The following DNAH10 variants were observed in gnomAD, a reference collection of about 807,000 sequenced individuals.
DNAH10 encodes axonemal beta dynein heavy chain 10.
Under a neutral mutation model 506.6 loss-of-function variants are expected in DNAH10, and 348 were observed. The ratio of observed to expected loss-of-function variants is 0.69; its 90% CI spans 0.63 to 0.75. DNAH10 has a LOEUF of 0.75. DNAH10 is among the 30% of genes least tolerant of loss of function. The pLI, the probability that DNAH10 is intolerant of heterozygous loss-of-function variation, is 0.00. For missense variants in DNAH10, 5,179 were observed against 5,787.1 expected, an observed-to-expected ratio of 0.89 and a Z score of 3.41; for synonymous variants, 2,059 against 2,198.6, an observed-to-expected ratio of 0.94 and a Z score of 1.78.
chr12:123,832,868 A>G (rs1960721292), intron 26 of DNAH10, among the ~76,000 whole-genome samples: 1 of 152,176 alleles, frequency 6.6e-6, no homozygotes, highest in Admixed American at 6.5e-5. Context: ...AATCCCTACC[A>G]ATATACTTTG....
intron 4 of DNAH10, 72 bp from the exon 5 acceptor site, chr12:123,774,077 G>C (rs1174536623): frequency 1.0e-6 from 1 of 962,182 alleles, no homozygotes; most frequent in African/African-American, 1.7e-5. Context: ...GAAGATTCCT[G>C]TTCTCTTGGA....
intron 21 of DNAH10, 86 bp from the exon 22 acceptor site, chr12:123,818,864 C>A: frequency 2.3e-6 from 2 of 887,862 alleles, no homozygotes; most frequent in African/African-American, 1.7e-5. Flanking sequence ...AAGCAGAAGT[C>A]CCTGGGAGGT....
Position 123,848,889 on chromosome 12 carries a change from C to T in DNAH10, c.6102+7C>T, listed in dbSNP as rs376868485. ...TCAGTTAACCACGTTCCAGGTGAGA[C>T]ACATGAAGCCCCCGGGACCATGTCC... On this transcript the variant is annotated splice_region_variant and intron_variant, in intron 34 of 78. Transcript: ENST00000673944. 1.2e-6 allele frequency: 2 copies of T among 1,613,004 alleles called. No individual in the cohort carries two copies. The highest frequency in any genetic ancestry group is 1.3e-5 in the African/African-American group (1 of 74,900).
intron 53 of DNAH10, among the ~76,000 whole-genome samples, chr12:123,894,125 C>T: frequency 7.8e-6 from 1 of 127,418 alleles, no homozygotes; most frequent in Admixed American, 9.7e-5. Context: ...GAATCTCGCT[C>T]TGTCGCCCAG....
intron 26 of DNAH10, among the ~76,000 whole-genome samples, chr12:123,832,513 A>AT (rs879362943): frequency 0.027 from 3,948 of 147,182 alleles, 165 homozygotes; most frequent in African/African-American, 0.092. Flanking sequence ...ATCAATACAG[A>AT]TTTTTTTTTT....
chr12:123,879,570 C>T, intron 49 of DNAH10, 64 bp from the exon 50 acceptor site: 1 of 1,597,766 alleles, frequency 6.3e-7, no homozygotes, highest in African/African-American at 1.3e-5. Context: ...TCCTCTGCTC[C>T]TAGCAAGTTT....
At position 123,762,699 on chromosome 12, in the gene DNAH10, C is replaced by A; in HGVS notation, c.214+149C>A. ...AACGCTGCCGCCCGCCACGTGCAGG[C>A]CCCGGGCGAACCCAGCAATCACAGC... On this transcript the variant is annotated intron_variant, in intron 1 of 78. Coordinates refer to ENST00000673944, the MANE Select transcript of DNAH10 (RefSeq NM_001372106.1). The surrounding 1 kb of genome is among the most constrained non-coding windows in gnomAD (Gnocchi z 5.0). The A allele has an allele frequency of 1.3e-6, 1 of 774,808 alleles. No homozygotes were observed. The highest frequency in any genetic ancestry group is 1.9e-6 in the Non-Finnish European group (1 of 521,372). 48.0% of individuals were successfully genotyped at this position (774,808 alleles called of 1,614,324 possible).
At chr12:123,883,689 C>T (rs567124860) in intron 51 of DNAH10, among the ~76,000 whole-genome samples, 16 of 152,250 alleles carry the variant, frequency 1.1e-4, no homozygotes, top group East Asian at 7.7e-4. Context: ...TACCTAACAG[C>T]GGCTATCTTT....
rs1566124338 is a variant in DNAH10 at position 123,931,442 on chromosome 12, GCT to G, written c.12888_12889del (p.His4297ProfsTer19). 10 of 1,613,912 alleles carry G rather than the reference GCT, an allele frequency of 6.2e-6. No individual in the cohort carries two copies. Among genetic ancestry groups the G allele is most frequent in the South Asian group, 2.2e-5 (2 of 91,064 alleles). The part of the protein sequence containing the change: ...YYTQAARDMW[A>X]HLLELQPQTG... The stretch of plus-strand genomic sequence containing the variant: ...CACGCAGGCGGCTCGAGACATGTGG[GCT>G]CACCTGCTGGAGCTGCAGCCTCAGA... On this transcript the variant is annotated frameshift_variant, in exon 74 of 79. Transcript: ENST00000673944. LOFTEE classifies it high-confidence loss of function.
In DNAH10 at chr12:123,913,170, A is replaced by C. The variant is rs766246544; in HGVS notation, c.10207A>C (p.Ile3403Leu). The C allele has an allele frequency of 3.1e-6, 5 of 1,611,520 alleles. No homozygotes were observed. The African/African-American group carries it at 4.0e-5, about 13-fold the overall frequency. ...AAGGATCCAGAATGAGTTGGCAGCA[A>C]TTCAGAAAGAGCTGGAAACATTGGG... is the stretch of plus-strand genomic sequence containing the variant. Reference protein sequence around the residue: ...LERIQNELAAIQKELETLGAK... With the variant: ...LERIQNELAALQKELETLGAK... Residue 3403 changes from isoleucine (I) to leucine (L), a missense_variant, in exon 60 of 79, where the codon ATT (isoleucine) becomes CTT (leucine). Ile to Leu is a conservative substitution (Grantham distance 5, BLOSUM62 2). Around this residue, in one of 3 missense-constraint regions of DNAH10, gnomAD observed 4,844 missense variants for 5,430.5 expected, o/e 0.89. Coordinates refer to ENST00000673944, the MANE Select transcript of DNAH10 (RefSeq NM_001372106.1). This position sits in a 1 kb window ranked among gnomAD's most constrained non-coding sequence, Gnocchi z 5.1.
Position 123,928,783 on chromosome 12 carries a change from A to C in DNAH10, c.12306+196A>C. ...CGCTGTCCTGGGTTGGGTGTTTGTG[A>C]CTCCCAGGCCTATCTCTACCAATTC... On this transcript the variant is annotated intron_variant, in intron 70 of 78. Coordinates refer to ENST00000673944, the MANE Select transcript of DNAH10 (RefSeq NM_001372106.1). The surrounding 1 kb of genome is among the most constrained non-coding windows in gnomAD (Gnocchi z 4.9). 1 of 622,794 alleles carries C rather than the reference A, an allele frequency of 1.6e-6. No homozygotes were observed. The highest frequency in any genetic ancestry group is 2.7e-6 in the Non-Finnish European group (1 of 365,390). The allele number at this position is 622,794 out of a possible 1,614,324, so 38.6% of individuals were successfully genotyped here.
rs2136659141 is a variant in DNAH10 at position 123,845,769 on chromosome 12, A to G, written c.5530A>G (p.Ile1844Val). Residue 1844 changes from isoleucine (I) to valine (V), a missense_variant, in exon 31 of 79, where the codon ATC becomes GTC. By Grantham distance (29) the Ile-to-Val change is conservative. Transcript: ENST00000673944. Reference protein sequence around the residue: ...HRQIDELVTRITMPLSKNDRK... With the variant: ...HRQIDELVTRVTMPLSKNDRK... Reference sequence around the variant, plus strand: ...GCAGATCGATGAGTTGGTAACGCGCATCACCATGCCGCTAAGCAAAAACGA... The same window carrying G: ...GCAGATCGATGAGTTGGTAACGCGCGTCACCATGCCGCTAAGCAAAAACGA... 6.2e-7 allele frequency: 1 copy of G among 1,614,048 alleles called. No individual in the cohort carries two copies. Among genetic ancestry groups the G allele is most frequent in the Non-Finnish European group, 8.5e-7 (1 of 1,179,898 alleles).
chr12:123,871,727 C>A, intron 45 of DNAH10, 125 bp downstream of exon 45: 1 of 1,164,218 alleles, frequency 8.6e-7, no homozygotes, highest in Non-Finnish European at 1.2e-6. Context: ...GAGTGACTTA[C>A]CTGGGAGCTT....
rs777766754 is a variant in DNAH10, at chr12:123,914,530, G to A, written c.10554G>A (p.Thr3518=). Residue 3518 remains threonine (T), a synonymous_variant, in exon 61 of 79, where the codon ACG becomes ACA. Transcript: ENST00000673944. ...SQPFRLESLL[T]DDVEISRWGS... ...CTTTCCGGCTGGAAAGCCTGCTCACGGATGATGTTGAGATCAGCAGGTGTG... is the reference window on the plus strand; with the variant it reads ...CTTTCCGGCTGGAAAGCCTGCTCACAGATGATGTTGAGATCAGCAGGTGTG... 22 of 1,613,164 alleles carry A rather than the reference G, an allele frequency of 1.4e-5. No individual in the cohort carries two copies. The highest frequency in any genetic ancestry group is 6.7e-5 in the Admixed American group (4 of 60,000).
chr12:123,763,335 G>A (rs1028216292), intron 1 of DNAH10, among the ~76,000 whole-genome samples: 1 of 152,046 alleles, frequency 6.6e-6, no homozygotes, highest in Non-Finnish European at 1.5e-5. Flanking sequence ...ACAGCTAGAA[G>A]GAGACTGGGA....
At chr12:123,818,696 G>A (rs1959186862) in intron 21 of DNAH10, among the ~76,000 whole-genome samples, 1 of 152,004 alleles carries the variant, frequency 6.6e-6, no homozygotes, top group Admixed American at 6.6e-5. Context: ...TGCCCAGGCT[G>A]GTCTCAAACT....
intron 57 of DNAH10, among the ~76,000 whole-genome samples, chr12:123,908,121 T>TGTCTCCTCCCTATCTCC (rs1953878930): frequency 1.8e-4 from 13 of 72,982 alleles, no homozygotes; most frequent in African/African-American, 9.6e-4. Flanking sequence ...TCCCTGTCTC[T>TGTCTCCTCCCTATCTCC]CTGTCTCCTC....
At chr12:123,874,915 A>G (rs1030910436) in intron 46 of DNAH10, among the ~76,000 whole-genome samples, 1 of 152,188 alleles carries the variant, frequency 6.6e-6, no homozygotes, top group Non-Finnish European at 1.5e-5. Flanking sequence ...CCATCTGTCC[A>G]TCCATCCATC....
intron 12 of DNAH10, among the ~76,000 whole-genome samples, chr12:123,795,104 C>T (rs1266422886): frequency 1.1e-4 from 15 of 134,780 alleles, no homozygotes; most frequent in Non-Finnish European, 1.8e-4. Flanking sequence ...GCTGAGATCG[C>T]GCGATTGCAC....
Sources: gnomAD v4.1 joint callset for allele counts (sites outside exome capture counted in the v4.1 genomes callset) on GRCh38, gnomAD v4.1.1 for gene constraint, gnomAD v4.1.1 regional missense constraint, Gnocchi (gnomAD v3.1) non-coding constraint, MANE v1.5 for transcripts, NCBI Gene and HGNC (gene_info 2026-07-23, HGNC 2026-07-21) for gene names.